RUSC2: variants seen among roughly 807,000 people sequenced by gnomAD.
The protein encoded by RUSC2 is AP-4 complex accessory subunit RUSC2.
RUSC2 carries 34 observed loss-of-function variants against 122.2 expected under a neutral mutation model. That is an observed-to-expected ratio of 0.28 (90% CI 0.21 to 0.37). The LOEUF (loss-of-function observed/expected upper bound fraction) is 0.37, where lower values mean the gene tolerates loss of function less well. RUSC2 is among the 10% of genes least tolerant of loss of function. The pLI is 1.00. For missense variants in RUSC2, 1,747 were observed against 1,952.4 expected, an observed-to-expected ratio of 0.89 and a Z score of 1.98; for synonymous variants, 784 against 790.0, an observed-to-expected ratio of 0.99 and a Z score of 0.13.
At chr9:35,543,200 T>A (rs1329363101) in intron 1 of RUSC2, among the ~76,000 whole-genome samples, 1 of 152,090 alleles carries the variant, frequency 6.6e-6, no homozygotes, top group Non-Finnish European at 1.5e-5. Flanking sequence ...CCAAGGCAGG[T>A]GGATAACTTG....
At chr9:35,502,774 T>A (rs1003618614) in intron 1 of RUSC2, among the ~76,000 whole-genome samples, 1 of 152,292 alleles carries the variant, frequency 6.6e-6, no homozygotes, top group Middle Eastern at 3.4e-3. Flanking sequence ...CATTTGTGGT[T>A]TTATAGTACT....
At chr9:35,508,162 C>T (rs1297809659) in intron 1 of RUSC2, among the ~76,000 whole-genome samples, 1 of 152,124 alleles carries the variant, frequency 6.6e-6, no homozygotes, top group Non-Finnish European at 1.5e-5. Context: ...TACTTCCTAC[C>T]ACCAATCTGC....
At chr9:35,490,373 C>T (rs1820541320) in intron 1 of RUSC2, among the ~76,000 whole-genome samples, 1 of 152,146 alleles carries the variant, frequency 6.6e-6, no homozygotes, top group Non-Finnish European at 1.5e-5. Context: ...GCCCTTCTGA[C>T]CCTTGGCCTT....
chr9:35,531,614 C>T (rs1246325465), intron 1 of RUSC2, among the ~76,000 whole-genome samples: 14 of 152,284 alleles, frequency 9.2e-5, no homozygotes, highest in Admixed American at 3.9e-4. Context: ...ATCCCTGAGC[C>T]TCAGATTTCT....
intron 1 of RUSC2, among the ~76,000 whole-genome samples, chr9:35,493,648 G>A (rs1473709073): frequency 6.6e-6 from 1 of 152,028 alleles, no homozygotes; most frequent in Non-Finnish European, 1.5e-5. Context: ...AATTACAGGT[G>A]CACGCCACCA....
chr9:35,540,886 AATGTGGAC>A, intron 1 of RUSC2, among the ~76,000 whole-genome samples: 1 of 152,306 alleles, frequency 6.6e-6, no homozygotes, highest in East Asian at 1.9e-4. Flanking sequence ...CAGATGTGTA[AATGTGGAC>A]AAACTACTTA....
chr9:35,552,871 G>A (rs2890689), intron 2 of RUSC2, among the ~76,000 whole-genome samples: 93,055 of 152,044 alleles, frequency 0.61, 30,183 homozygotes, highest in Non-Finnish European at 0.72. Flanking sequence ...TTCCCCACAG[G>A]GGCCCCCTTC....
intron 1 of RUSC2, among the ~76,000 whole-genome samples, chr9:35,530,377 A>G (rs1821397702): frequency 6.6e-6 from 1 of 152,230 alleles, no homozygotes; most frequent in Non-Finnish European, 1.5e-5. Flanking sequence ...ATCAAGAGAT[A>G]ATAAAATGGC....
chr9:35,513,126 A>G (rs1821038972), intron 1 of RUSC2, among the ~76,000 whole-genome samples: 1 of 152,208 alleles, frequency 6.6e-6, no homozygotes, highest in African/African-American at 2.4e-5. Flanking sequence ...ATCAAAGGGA[A>G]CTGAAAGAGC....
At chr9:35,550,974 C>T (rs1821881293) in intron 2 of RUSC2, among the ~76,000 whole-genome samples, 1 of 151,760 alleles carries the variant, frequency 6.6e-6, no homozygotes, top group Non-Finnish European at 1.5e-5. Flanking sequence ...GAGGCTGAGG[C>T]AGGAGAATCG....
chr9:35,506,052 T>C lies in RUSC2; in HGVS notation c.-93+15880T>C, dbSNP rs112830833. Among the ~76,000 whole-genome samples, 908 of 152,346 alleles carry C rather than the reference T, an allele frequency of 6.0e-3. 16 individuals carry two copies. The highest frequency in any genetic ancestry group is 0.021 in the African/African-American group (870 of 41,582). On this transcript the variant is annotated intron_variant, in intron 1 of 11. Coordinates refer to ENST00000361226, the MANE Select transcript of RUSC2 (RefSeq NM_014806.5). ...GGAAAGGAAGAAATATAACTATTGCTATATGCAGATGATATGGTCTTGTAT... is the reference window on the plus strand; with the variant it reads ...GGAAAGGAAGAAATATAACTATTGCCATATGCAGATGATATGGTCTTGTAT...
rs756520066 is a variant in RUSC2 at position 35,558,310 on chromosome 9, C to T, written c.3174C>T (p.Asp1058=). Residue 1058 remains aspartate (D), a synonymous_variant, in exon 7 of 12, where the codon GAC becomes GAT. Transcript: ENST00000361226. The surrounding 1 kb of genome is among the most constrained non-coding windows in gnomAD (Gnocchi z 4.3). The part of the protein sequence containing the change: ...LEDGLKAFVL[D]VIIGQRKNMP... ...ATGGGCTCAAGGCCTTTGTACTGGA[C>T]GTCATCATCGGGCAGCGTAAGAACA... is the stretch of plus-strand genomic sequence containing the variant. 48 of 1,614,022 alleles carry T rather than the reference C, an allele frequency of 3.0e-5. No individual in the cohort carries two copies. Among genetic ancestry groups the T allele is most frequent in the Middle Eastern group, 1.6e-4 (1 of 6,084 alleles).
rs779401061 is a variant in RUSC2 at position 35,546,680 on chromosome 9, C to T, written c.159C>T (p.Thr53=). 3 of 1,563,536 alleles carry T rather than the reference C, an allele frequency of 1.9e-6. No individual in the cohort carries two copies. The highest frequency in any genetic ancestry group is 1.9e-5 in the Admixed American group (1 of 52,374). Residue 53 remains threonine (T), a synonymous_variant, in exon 2 of 12, where the codon ACC becomes ACT. Coordinates refer to ENST00000361226, the MANE Select transcript of RUSC2 (RefSeq NM_014806.5). This position sits in a 1 kb window ranked among gnomAD's most constrained non-coding sequence, Gnocchi z 4.3. ...TCTGCCCACCTGAGCTGGGCATCAC[C>T]CAGCCCGATCAAGACCTAGGACAAG... ...NPFCPPELGI[T]QPDQDLGQAD... is the part of the protein sequence containing the mutation.
intron 1 of RUSC2, among the ~76,000 whole-genome samples, chr9:35,494,239 G>T (rs1820627544): frequency 6.6e-6 from 1 of 152,042 alleles, no homozygotes; most frequent in Non-Finnish European, 1.5e-5. Flanking sequence ...GCCGAGGCGG[G>T]CGGATCACCT....
chr9:35,531,305 A>C (rs1169496336), intron 1 of RUSC2, among the ~76,000 whole-genome samples: 3 of 152,184 alleles, frequency 2.0e-5, no homozygotes, highest in African/African-American at 7.2e-5. Flanking sequence ...GCAGGGAGCC[A>C]CTGAAGATGT....
chr9:35,532,255 C>G (rs1164130570), intron 1 of RUSC2, among the ~76,000 whole-genome samples: 1 of 152,082 alleles, frequency 6.6e-6, no homozygotes, highest in Non-Finnish European at 1.5e-5. Context: ...AGATTTGATT[C>G]TGGAAGTTCA....
At chr9:35,513,496 G>A (rs983894556) in intron 1 of RUSC2, among the ~76,000 whole-genome samples, 17 of 151,752 alleles carry the variant, frequency 1.1e-4, no homozygotes, top group African/African-American at 3.9e-4. Flanking sequence ...ACCTGCCTCA[G>A]CCTCTCCAAG....
Position 35,555,564 on chromosome 9 carries a change from T to C in RUSC2, c.2519T>C (p.Ile840Thr), listed in dbSNP as rs750157973. 48 of 1,613,996 alleles carry C rather than the reference T, an allele frequency of 3.0e-5. No individual in the cohort carries two copies. Among genetic ancestry groups the C allele is most frequent in the Non-Finnish European group, 3.9e-5 (46 of 1,180,034 alleles). The change falls in exon 3 of 12, where the codon ATA (isoleucine) becomes ACA (threonine). Residue 840 changes from isoleucine (I) to threonine (T), a missense_variant. Coordinates refer to ENST00000361226, the MANE Select transcript of RUSC2 (RefSeq NM_014806.5). The surrounding 1 kb of genome is among the most constrained non-coding windows in gnomAD (Gnocchi z 4.6). The stretch of plus-strand genomic sequence containing the variant: ...CAGCCGCAGAAGGAGGATCAGAAGA[T>C]ACTGACCTTGACTGAGTACCGGCTC... ...SQQPQKEDQK[I>T]LTLTEYRLHG...
chr9:35,512,934 A>G (rs1381224176), intron 1 of RUSC2, among the ~76,000 whole-genome samples: 1 of 152,220 alleles, frequency 6.6e-6, no homozygotes, highest in African/African-American at 2.4e-5. Context: ...AAAAAAATGC[A>G]TATTGACCAT....
Sources: allele counts gnomAD v4.1 joint callset (sites outside exome capture counted in the v4.1 genomes callset), GRCh38; gene constraint gnomAD v4.1.1; non-coding constraint Gnocchi (gnomAD v3.1); transcripts MANE v1.5; gene names NCBI Gene and HGNC (gene_info 2026-07-23, HGNC 2026-07-21).